OMA1: variants seen among roughly 807,000 people sequenced by gnomAD.
OMA1 encodes the protein OMA1 zinc metallopeptidase, also known as metalloendopeptidase OMA1, mitochondrial.
A neutral mutation model predicts 30.9 loss-of-function variants in OMA1; 38 were observed. That is an observed-to-expected ratio of 1.23 (90% CI 0.95 to 1.61). OMA1 has a LOEUF of 1.61. OMA1 is among the 40% of genes most tolerant of loss of function. The pLI is 0.00. For synonymous variants in OMA1, 173 were observed against 121.9 expected (o/e 1.42, Z -2.76); for missense variants, 461 against 349.2 (o/e 1.32, Z -2.55).
At chr1:58,531,125 G>T (rs372954958) in intron 5 of OMA1, among the ~76,000 whole-genome samples, 1 of 151,962 alleles carries the variant, frequency 6.6e-6, no homozygotes, top group Non-Finnish European at 1.5e-5. Flanking sequence ...AATCAAACCC[G>T]GTCAGTTTTA....
rs552183275 is a variant in OMA1, at chr1:58,527,402, G to C, written c.1141-67C>G. The stretch of plus-strand genomic sequence containing the variant: ...TTCACGAAAAAAGGAGTAACACAGA[G>C]AGATTTTTAAAAAACAGTTTCATGG... On this transcript the variant is annotated intron_variant, in intron 6 of 8. Coordinates refer to ENST00000371226, the MANE Select transcript of OMA1 (RefSeq NM_145243.5). The C allele has an allele frequency of 5.0e-6, 4 of 800,464 alleles. No homozygotes were observed. In the Admixed American group the frequency reaches 7.2e-5, roughly 14 times the overall value. The allele number at this position is 800,464 out of a possible 1,614,324, so 49.6% of individuals were successfully genotyped here.
At chr1:58,492,995 A>T (rs1645726713) in intron 8 of OMA1, among the ~76,000 whole-genome samples, 1 of 152,228 alleles carries the variant, frequency 6.6e-6, no homozygotes, top group Non-Finnish European at 1.5e-5. Flanking sequence ...ATCCCTGATG[A>T]ACATCAATGC....
At chr1:58,507,684 A>G (rs576748455) in intron 7 of OMA1, among the ~76,000 whole-genome samples, 1 of 152,086 alleles carries the variant, frequency 6.6e-6, no homozygotes, top group Non-Finnish European at 1.5e-5. Flanking sequence ...TATATGCAAG[A>G]TGTGTGTGTG....
intron 7 of OMA1, among the ~76,000 whole-genome samples, chr1:58,523,281 C>T (rs1184066014): frequency 3.9e-5 from 6 of 152,148 alleles, no homozygotes; most frequent in Admixed American, 2.6e-4. Flanking sequence ...TGTGTGGTCA[C>T]GCACAACATC....
chr1:58,527,228 G>T (rs761239007), intron 7 of OMA1, 33 bp downstream of exon 7: 1 of 865,570 alleles, frequency 1.2e-6, no homozygotes, highest in Admixed American at 1.7e-5. Context: ...CCTGGGAAGG[G>T]CATTATGTAT....
chr1:58,503,796 TG>T (rs1436749926), intron 8 of OMA1, among the ~76,000 whole-genome samples: 1 of 152,214 alleles, frequency 6.6e-6, no homozygotes, highest in Non-Finnish European at 1.5e-5. Flanking sequence ...AAGTTTCTGT[TG>T]TTTATAAGCC....
chr1:58,497,178 A>G (rs1461297495), intron 8 of OMA1, among the ~76,000 whole-genome samples: 1 of 152,030 alleles, frequency 6.6e-6, no homozygotes. Context: ...AGAATCTACA[A>G]TGTGGGATTA....
At chr1:58,513,177 A>C (rs1320601793) in intron 7 of OMA1, among the ~76,000 whole-genome samples, 7 of 152,070 alleles carry the variant, frequency 4.6e-5, no homozygotes, top group Admixed American at 4.6e-4. Context: ...CGTGATACTG[A>C]GTGAGTTCTC....
rs956162933 is a variant in OMA1 at position 58,521,703 on chromosome 1, A to T, written c.1215+5558T>A. ...AAAAATTCCTAGAAAAACTACAAAA[A>T]CTGAAACAAGAAATAGAAAAATCTG... On this transcript the variant is annotated intron_variant, in intron 7 of 8. Coordinates refer to ENST00000371226, the MANE Select transcript of OMA1 (RefSeq NM_145243.5). Among the ~76,000 whole-genome samples the T allele has an allele frequency of 1.1e-4, 17 of 152,240 alleles. No homozygotes were observed. The East Asian group carries it at 2.5e-3, about 22-fold the overall frequency.
At chr1:58,525,036 G>A (rs1372536966) in intron 7 of OMA1, among the ~76,000 whole-genome samples, 1 of 152,154 alleles carries the variant, frequency 6.6e-6, no homozygotes, top group African/African-American at 2.4e-5. Context: ...ATGCAGTTAT[G>A]ATTTAATACT....
In OMA1 at chr1:58,539,081, T is replaced by C; in HGVS notation, c.214A>G (p.Ser72Gly). 1 of 872,968 alleles carries C rather than the reference T, an allele frequency of 1.1e-6. No homozygotes were observed. The allele number at this position is 872,968 out of a possible 1,614,324, so 54.1% of individuals were successfully genotyped here. ...SFLPGNFHFY[S>G]TFNNKRTGGL... ...CCTGTTCTTTTGTTGTTAAAAGTACTATAAAAATGAAAGTTTCCAGGCAGA... is the reference window on the plus strand; with the variant it reads ...CCTGTTCTTTTGTTGTTAAAAGTACCATAAAAATGAAAGTTTCCAGGCAGA... Residue 72 changes from serine to glycine, a missense_variant, in exon 2 of 9, where the codon AGT becomes GGT. Physicochemically the swap from Ser to Gly is moderately conservative, Grantham distance 56. Transcript: ENST00000371226.
chr1:58,507,955 T>C (rs561439242), intron 7 of OMA1, among the ~76,000 whole-genome samples: 1 of 152,310 alleles, frequency 6.6e-6, no homozygotes, highest in East Asian at 1.9e-4. Flanking sequence ...TCACGAATTA[T>C]CTAACATGAA....
chr1:58,537,086 G>GTATA (rs71779509), intron 2 of OMA1, among the ~76,000 whole-genome samples: 1 of 128,498 alleles, frequency 7.8e-6, no homozygotes, highest in Non-Finnish European at 1.7e-5. Flanking sequence ...CTCTCTCTCT[G>GTATA]TATATATATA....
At chr1:58,516,194 A>T (rs956232917) in intron 7 of OMA1, among the ~76,000 whole-genome samples, 3 of 152,200 alleles carry the variant, frequency 2.0e-5, no homozygotes, top group Non-Finnish European at 4.4e-5. Context: ...ACAATCAAAA[A>T]CAATCATACA....
chr1:58,483,283 A>G (rs998793198), intron 8 of OMA1, among the ~76,000 whole-genome samples: 15 of 152,132 alleles, frequency 9.9e-5, no homozygotes, highest in Non-Finnish European at 2.1e-4. Flanking sequence ...AAGGAATTCC[A>G]TTATTCCAGA....
At chr1:58,545,582 T>G (rs546731957) in intron 1 of OMA1, among the ~76,000 whole-genome samples, 2 of 152,274 alleles carry the variant, frequency 1.3e-5, no homozygotes, top group African/African-American at 4.8e-5. Flanking sequence ...CTGGCAGACT[T>G]CTAGGATAAC....
rs1645466630 is a variant in OMA1, at chr1:58,480,816, T to C, written c.*149A>G. 1.9e-6 allele frequency: 1 copy of C among 530,388 alleles called. No homozygotes were observed. Among genetic ancestry groups the C allele is most frequent in the Non-Finnish European group, 3.2e-6 (1 of 314,760 alleles). 32.9% of individuals were successfully genotyped at this position (530,388 alleles called of 1,614,324 possible). ...TCAATATTTCATGAAAAATAAATTCTAGAAGAATTTAGATAATATCTGTAA... is the reference window on the plus strand; with the variant it reads ...TCAATATTTCATGAAAAATAAATTCCAGAAGAATTTAGATAATATCTGTAA... On this transcript the variant is annotated 3_prime_UTR_variant, in exon 9 of 9. Transcript: ENST00000371226.
intron 8 of OMA1, among the ~76,000 whole-genome samples, chr1:58,505,010 T>G (rs1423742245): frequency 6.6e-6 from 1 of 152,068 alleles, no homozygotes; most frequent in African/African-American, 2.4e-5. Context: ...TAGAGTGCAG[T>G]GGCACGATCT....
intron 7 of OMA1, among the ~76,000 whole-genome samples, chr1:58,506,964 C>T: frequency 6.6e-6 from 1 of 151,976 alleles, no homozygotes; most frequent in East Asian, 1.9e-4. Context: ...CACTCATATA[C>T]ATACTCATAC....
Sources: allele counts gnomAD v4.1 joint callset (sites outside exome capture counted in the v4.1 genomes callset), GRCh38; gene constraint gnomAD v4.1.1; transcripts MANE v1.5; gene names NCBI Gene and HGNC (gene_info 2026-07-23, HGNC 2026-07-21).